Variants in NEBL observed in about 807,000 individuals in gnomAD.
NEBL encodes LIM and SH3 protein 2.
NEBL carries 122 observed loss-of-function variants against 140.2 expected under a neutral mutation model. That is an observed-to-expected ratio of 0.87 (90% CI 0.75 to 1.01). The LOEUF is 1.01. Ranked by LOEUF, NEBL falls within the 50% of genes least tolerant of loss-of-function variation. The pLI, the probability that NEBL is intolerant of heterozygous loss-of-function variation, is 0.00. For missense variants in NEBL, 1,365 were observed against 1,231.3 expected, an observed-to-expected ratio of 1.11 and a Z score of -1.62; for synonymous variants, 436 against 398.9, an observed-to-expected ratio of 1.09 and a Z score of -1.11.
At chr10:21,126,722 C>A (rs1214144299) in intron 2 of NEBL, among the ~76,000 whole-genome samples, 2 of 151,874 alleles carry the variant, frequency 1.3e-5, no homozygotes, top group South Asian at 2.1e-4. Flanking sequence ...GCCTGTAATC[C>A]CAGCACTTTG....
At chr10:21,064,231 T>C (rs1487397086) in intron 2 of NEBL, among the ~76,000 whole-genome samples, 2 of 152,218 alleles carry the variant, frequency 1.3e-5, no homozygotes, top group African/African-American at 4.8e-5. Context: ...AAAATTGAAT[T>C]CAAATGAATT....
chr10:20,963,064 T>C (rs1589082005), intron 3 of NEBL, among the ~76,000 whole-genome samples: 1 of 150,566 alleles, frequency 6.6e-6, no homozygotes, highest in Non-Finnish European at 1.5e-5. Context: ...CTAGATACTC[T>C]CATCGCTTTT....
intron 2 of NEBL, among the ~76,000 whole-genome samples, chr10:21,097,501 T>A (rs1305338388): frequency 6.6e-6 from 1 of 152,130 alleles, no homozygotes; most frequent in East Asian, 1.9e-4. Context: ...CAATGGTGTG[T>A]CCTTTCTGTT....
chr10:20,987,400 T>C (rs2097256186), intron 3 of NEBL, among the ~76,000 whole-genome samples: 1 of 152,104 alleles, frequency 6.6e-6, no homozygotes, highest in African/African-American at 2.4e-5. Flanking sequence ...GACACACCCA[T>C]TACTCCAGCC....
intron 4 of NEBL, among the ~76,000 whole-genome samples, chr10:20,958,818 C>T (rs1234273560): frequency 6.6e-6 from 1 of 152,130 alleles, no homozygotes; most frequent in Non-Finnish European, 1.5e-5. Context: ...TACAGCTACC[C>T]AGAAAAGGCA....
intron 1 of NEBL, among the ~76,000 whole-genome samples, chr10:21,292,271 C>G (rs1448478805): frequency 6.6e-6 from 1 of 152,122 alleles, no homozygotes; most frequent in Admixed American, 6.6e-5. Flanking sequence ...ATTAACAAAG[C>G]ACTGTATGGT....
At chr10:21,023,643 C>T (rs562608810) in intron 2 of NEBL, among the ~76,000 whole-genome samples, 7 of 151,836 alleles carry the variant, frequency 4.6e-5, no homozygotes, top group Admixed American at 2.0e-4. Flanking sequence ...TGCAGTGAGC[C>T]GAGATTGTGC....
chr10:20,831,210 C>T lies in NEBL; in HGVS notation c.1657G>A (p.Glu553Lys), dbSNP rs1840378420. 6.2e-7 allele frequency: 1 copy of T among 1,612,024 alleles called. No homozygotes were observed. The highest frequency in any genetic ancestry group is 1.7e-5 in the Admixed American group (1 of 59,946). The change falls in exon 16 of 28, where the codon GAA becomes AAA. Residue 553 changes from glutamate (E) to lysine (K), a missense_variant. Transcript: ENST00000377122. ...PDILRAKRTS[E>K]IYSQRKYKDE... ...TCATGACCAACCTGGCTATAGATTT[C>T]AGATGTCCTCTTGGCTCGAAGGATA...
intron 2 of NEBL, among the ~76,000 whole-genome samples, chr10:21,089,309 A>G (rs1484257344): frequency 6.6e-6 from 1 of 152,158 alleles, no homozygotes; most frequent in African/African-American, 2.4e-5. Flanking sequence ...CCAGGCCTGA[A>G]GCTCAAGGTA....
At chr10:20,937,790 A>G (rs1020671617) in intron 4 of NEBL, among the ~76,000 whole-genome samples, 1 of 152,212 alleles carries the variant, frequency 6.6e-6, no homozygotes, top group African/African-American at 2.4e-5. Context: ...CCAGGAGATC[A>G]TATCCTGTGC....
At chr10:21,113,488 T>C in intron 2 of NEBL, 1 of 304,950 alleles carries the variant, frequency 3.3e-6, no homozygotes, top group East Asian at 1.0e-4. Flanking sequence ...TGGCAGTGGA[T>C]GAAGTGTCTT....
Position 21,064,292 on chromosome 10 carries a change from T to C in NEBL, c.165-44091A>G, listed in dbSNP as rs116559922. ...TTTTGATTTCCACAGATTTGTTCAC[T>C]TCTTTGAAAACTTTTATAATGTTTT... On this transcript the variant is annotated intron_variant, in intron 2 of 6. Coordinates refer to the NEBL transcript ENST00000417816. Among the ~76,000 whole-genome samples the C allele has an allele frequency of 6.6e-3, 1,005 of 152,356 alleles. 12 individuals are homozygous for C. Among genetic ancestry groups the C allele is most frequent in the African/African-American group, 0.023 (963 of 41,594 alleles).
intron 26 of NEBL, among the ~76,000 whole-genome samples, chr10:20,788,939 G>A (rs535123473): frequency 1.3e-5 from 2 of 152,290 alleles, no homozygotes; most frequent in East Asian, 3.9e-4. Context: ...ATATTTATCA[G>A]TTAATGCGTG....
At chr10:20,895,351 A>G (rs976372464) in intron 2 of NEBL, among the ~76,000 whole-genome samples, 3 of 152,172 alleles carry the variant, frequency 2.0e-5, no homozygotes, top group African/African-American at 7.2e-5. Context: ...GAAGAACAAC[A>G]TTTCATGGAA....
At chr10:21,267,424 A>T (rs903935949) in intron 1 of NEBL, among the ~76,000 whole-genome samples, 14 of 152,160 alleles carry the variant, frequency 9.2e-5, no homozygotes, top group African/African-American at 3.4e-4. Flanking sequence ...TGCTGTTCTG[A>T]TGTGTCTTAT....
At chr10:20,879,213 G>T (rs1461313298) in intron 5 of NEBL, among the ~76,000 whole-genome samples, 1 of 152,212 alleles carries the variant, frequency 6.6e-6, no homozygotes, top group African/African-American at 2.4e-5. Context: ...AGAAAGAGCA[G>T]ACTCAGGAGT....
chr10:21,015,523 T>G (rs907220713), intron 3 of NEBL, among the ~76,000 whole-genome samples: 16 of 152,230 alleles, frequency 1.1e-4, no homozygotes, highest in Admixed American at 5.9e-4. Flanking sequence ...GTTTTTTGTT[T>G]GTTTCCTAGA....
At chr10:20,964,440 T>C (rs1200043291) in intron 3 of NEBL, among the ~76,000 whole-genome samples, 1 of 152,126 alleles carries the variant, frequency 6.6e-6, no homozygotes, top group Non-Finnish European at 1.5e-5. Flanking sequence ...TCAAGAAGCT[T>C]CCAATCATGA....
intron 4 of NEBL, among the ~76,000 whole-genome samples, chr10:20,934,639 C>T (rs939319946): frequency 2.0e-5 from 3 of 152,120 alleles, no homozygotes; most frequent in Non-Finnish European, 4.4e-5. Context: ...ACGAGAGGTG[C>T]TAGACAGAAG....
Sources: allele counts gnomAD v4.1 joint callset (sites outside exome capture counted in the v4.1 genomes callset), GRCh38; gene constraint gnomAD v4.1.1; transcripts MANE v1.5; gene names NCBI Gene and HGNC (gene_info 2026-07-23, HGNC 2026-07-21).